Variants in GAB1 observed in about 807,000 individuals in gnomAD.
GAB1 encodes GRB2-associated-binding protein 1.
Under a neutral mutation model 66.5 loss-of-function variants are expected in GAB1, and 19 were observed. The observed-to-expected ratio is 0.29, with a 90% CI of 0.20 to 0.42. The LOEUF (loss-of-function observed/expected upper bound fraction) is 0.42. Among genes scored for constraint, GAB1 ranks in the 10% least tolerant of loss-of-function variants. The pLI is 1.00. For missense variants in GAB1, 732 were observed against 858.5 expected (o/e 0.85, Z 1.84); for synonymous variants, 294 against 301.4 (o/e 0.98, Z 0.25).
intron 4 of GAB1, 49 bp downstream of exon 4, chr4:143,438,649 C>G: frequency 1.9e-6 from 3 of 1,549,840 alleles, no homozygotes; most frequent in Non-Finnish European, 2.6e-6. Flanking sequence ...GATAGAAAAT[C>G]GATTTTTCTG....
chr4:143,441,760 G>A (rs1734253685), intron 6 of GAB1, among the ~76,000 whole-genome samples: 1 of 152,058 alleles, frequency 6.6e-6, no homozygotes, highest in South Asian at 2.1e-4. Flanking sequence ...TACTTAAATG[G>A]ATTCTGCTTT....
intron 2 of GAB1, among the ~76,000 whole-genome samples, chr4:143,422,147 T>A (rs559288181): frequency 3.7e-4 from 56 of 152,306 alleles, no homozygotes; most frequent in Admixed American, 8.5e-4. Context: ...ATGTTAGTAT[T>A]AATGATAATG....
chr4:143,340,987 A>G (rs1158739541), intron 1 of GAB1, among the ~76,000 whole-genome samples: 1 of 152,232 alleles, frequency 6.6e-6, no homozygotes, highest in Admixed American at 6.5e-5. Flanking sequence ...CACACAAAAA[A>G]ATGAAAGTCA....
At chr4:143,438,679 G>T (rs754537929) in intron 4 of GAB1, 79 bp downstream of exon 4, 3 of 1,423,616 alleles carry the variant, frequency 2.1e-6, no homozygotes, top group Non-Finnish European at 2.9e-6. Context: ...TCTTTTAAGC[G>T]TAGTTAAATA....
intron 1 of GAB1, among the ~76,000 whole-genome samples, chr4:143,391,122 G>GTAA (rs888689434): frequency 6.6e-6 from 1 of 152,188 alleles, no homozygotes; most frequent in Non-Finnish European, 1.5e-5. Flanking sequence ...GGGTGAGCAG[G>GTAA]TAATGGTCTG....
At chr4:143,352,214 C>T (rs73853811) in intron 1 of GAB1, among the ~76,000 whole-genome samples, 3,733 of 152,292 alleles carry the variant, frequency 0.025, 141 homozygotes, top group African/African-American at 0.085. Flanking sequence ...GCAATATCAC[C>T]ATTCATTGTT....
At chr4:143,372,337 C>G (rs1730160998) in intron 1 of GAB1, among the ~76,000 whole-genome samples, 1 of 152,144 alleles carries the variant, frequency 6.6e-6, no homozygotes, top group Non-Finnish European at 1.5e-5. Flanking sequence ...AACAGGCATT[C>G]ACTTATTCAA....
intron 8 of GAB1, among the ~76,000 whole-genome samples, chr4:143,462,561 A>C (rs1395282178): frequency 7.0e-6 from 1 of 143,810 alleles, no homozygotes; most frequent in Non-Finnish European, 1.6e-5. Context: ...AAGGAAATCA[A>C]AATACAATTT....
At chr4:143,424,261 C>G (rs1733207117) in intron 2 of GAB1, among the ~76,000 whole-genome samples, 1 of 152,070 alleles carries the variant, frequency 6.6e-6, no homozygotes. Flanking sequence ...TTCCATTTTA[C>G]CATGCCTGTA....
chr4:143,427,608 C>T (rs1489217533), intron 2 of GAB1, among the ~76,000 whole-genome samples: 1 of 151,894 alleles, frequency 6.6e-6, no homozygotes, highest in African/African-American at 2.4e-5. Context: ...GTGTTCCCTT[C>T]CCCCAAGCAC....
intron 1 of GAB1, among the ~76,000 whole-genome samples, chr4:143,375,096 C>T (rs3792654): frequency 0.13 from 20,204 of 152,116 alleles, 1,734 homozygotes; most frequent in South Asian, 0.26. Context: ...TATAGGTGCC[C>T]GCCACAACGC....
At chr4:143,446,573 C>T (rs1184723455) in intron 6 of GAB1, among the ~76,000 whole-genome samples, 4 of 151,644 alleles carry the variant, frequency 2.6e-5, no homozygotes, top group Non-Finnish European at 4.4e-5. Context: ...CATGTGTCTT[C>T]TGGCTGCATA....
intron 1 of GAB1, among the ~76,000 whole-genome samples, chr4:143,351,460 A>C (rs886223606): frequency 1.3e-5 from 2 of 152,094 alleles, no homozygotes; most frequent in African/African-American, 4.8e-5. Flanking sequence ...CGAGTTCGTC[A>C]GGATGTCCAG....
intron 1 of GAB1, among the ~76,000 whole-genome samples, chr4:143,373,183 A>G (rs1238222824): frequency 2.6e-5 from 4 of 152,182 alleles, no homozygotes; most frequent in African/African-American, 9.7e-5. Context: ...CAGCATCTCT[A>G]TTAAAATGTC....
chr4:143,421,396 T>C (rs1165681702), intron 2 of GAB1, among the ~76,000 whole-genome samples: 1 of 152,116 alleles, frequency 6.6e-6, no homozygotes, highest in Non-Finnish European at 1.5e-5. Flanking sequence ...AAACACTTAG[T>C]TCTTTTGTGT....
At position 143,338,471 on chromosome 4, in the gene GAB1, C is replaced by T. The variant is rs146507785; in HGVS notation, c.72+1211C>T. On this transcript the variant is annotated intron_variant, in intron 1 of 9. Coordinates refer to ENST00000262994, the MANE Select transcript of GAB1 (RefSeq NM_002039.4). ...GTACACAGAGTGAAGTATTTAACTT[C>T]ACTGACAACTCACCAGTGAATTTCT... is the stretch of plus-strand genomic sequence containing the variant. Among the ~76,000 whole-genome samples, 632 of 152,290 alleles carry T rather than the reference C, an allele frequency of 4.1e-3. 7 individuals are homozygous for T. Among genetic ancestry groups the T allele is most frequent in the Non-Finnish European group, 6.9e-3 (466 of 68,018 alleles).
At chr4:143,427,545 AAAC>A (rs1458570395) in intron 2 of GAB1, among the ~76,000 whole-genome samples, 5 of 151,952 alleles carry the variant, frequency 3.3e-5, no homozygotes, top group East Asian at 3.9e-4. Flanking sequence ...TAAAAAAAAA[AAAC>A]AACAACAACA....
At chr4:143,460,277 T>A in intron 7 of GAB1, 87 bp from the exon 8 acceptor site, 3 of 1,261,812 alleles carry the variant, frequency 2.4e-6, no homozygotes, top group Non-Finnish European at 3.5e-6. Context: ...TCTGAAAGAA[T>A]GCAGACTGTC....
At chr4:143,423,669 C>T (rs1343447665) in intron 2 of GAB1, among the ~76,000 whole-genome samples, 1 of 149,174 alleles carries the variant, frequency 6.7e-6, no homozygotes, top group Non-Finnish European at 1.5e-5. Flanking sequence ...CCCAGCTACT[C>T]GGGAGGCTGA....
Sources: allele counts gnomAD v4.1 joint callset (sites outside exome capture counted in the v4.1 genomes callset), GRCh38; gene constraint gnomAD v4.1.1; transcripts MANE v1.5; gene names NCBI Gene and HGNC (gene_info 2026-07-23, HGNC 2026-07-21).